NDST4: variants seen among roughly 807,000 people sequenced by gnomAD.
NDST4 encodes the protein N-heparan sulfate sulfotransferase 4.
A neutral mutation model predicts 100.8 loss-of-function variants in NDST4; 63 were observed. The observed-to-expected ratio is 0.62, with a 90% confidence interval of 0.51 to 0.77. The LOEUF (loss-of-function observed/expected upper bound fraction) is 0.77, where lower values mean the gene tolerates loss of function less well. NDST4 is among the 30% of genes least tolerant of loss of function. The pLI is 0.00. For missense variants in NDST4, 943 were observed against 1,018.4 expected, an observed-to-expected ratio of 0.93 and a Z score of 1.01; for synonymous variants, 377 against 361.8, an observed-to-expected ratio of 1.04 and a Z score of -0.48.
At chr4:114,940,389 A>G (rs1055114075) in intron 4 of NDST4, among the ~76,000 whole-genome samples, 1 of 152,250 alleles carries the variant, frequency 6.6e-6, no homozygotes, top group Admixed American at 6.5e-5. Context: ...CTCTAACAGC[A>G]ACTGAAATAA....
At chr4:115,105,491 G>A (rs1336793929) in intron 1 of NDST4, among the ~76,000 whole-genome samples, 1 of 151,978 alleles carries the variant, frequency 6.6e-6, no homozygotes, top group Non-Finnish European at 1.5e-5. Context: ...ATTTTACCCA[G>A]TGGTTATTTA....
intron 2 of NDST4, among the ~76,000 whole-genome samples, chr4:115,028,012 G>A (rs1334639131): frequency 2.0e-5 from 3 of 151,194 alleles, no homozygotes; most frequent in Non-Finnish European, 2.9e-5. Flanking sequence ...GAGATTCACC[G>A]ATTCACCATT....
At chr4:114,846,122 T>G (rs1723545347) in intron 9 of NDST4, 125 bp from the exon 10 acceptor site, 2 of 783,620 alleles carry the variant, frequency 2.6e-6, no homozygotes, top group South Asian at 2.0e-5. Flanking sequence ...GCTGTTATAG[T>G]TTAAATAATA....
intron 6 of NDST4, among the ~76,000 whole-genome samples, chr4:114,893,364 G>A (rs1578370577): frequency 6.6e-6 from 1 of 152,248 alleles, no homozygotes; most frequent in East Asian, 1.9e-4. Flanking sequence ...CCCACCAACA[G>A]TGTAAAAGCA....
intron 2 of NDST4, among the ~76,000 whole-genome samples, chr4:115,043,990 A>G (rs1023526385): frequency 6.6e-6 from 1 of 152,164 alleles, no homozygotes; most frequent in African/African-American, 2.4e-5. Context: ...ATGCTTTATT[A>G]CAATGTTGTG....
At chr4:114,954,229 T>G (rs1726085428) in intron 4 of NDST4, among the ~76,000 whole-genome samples, 1 of 152,208 alleles carries the variant, frequency 6.6e-6, no homozygotes, top group Admixed American at 6.5e-5. Context: ...TTAAAAATAC[T>G]GTTTCAAAAA....
chr4:114,830,016 A>C, intron 12 of NDST4, 124 bp from the exon 13 acceptor site: 1 of 693,572 alleles, frequency 1.4e-6, no homozygotes, highest in Non-Finnish European at 2.4e-6. Flanking sequence ...TCATTTTTAC[A>C]GATATTTATT....
chr4:114,892,581 T>G (rs1724622712), intron 6 of NDST4, among the ~76,000 whole-genome samples: 1 of 152,084 alleles, frequency 6.6e-6, no homozygotes, highest in Non-Finnish European at 1.5e-5. Flanking sequence ...CTATTTCACA[T>G]ACATTGTGCC....
intron 6 of NDST4, among the ~76,000 whole-genome samples, chr4:114,932,128 TC>T (rs1371179397): frequency 1.3e-5 from 2 of 151,830 alleles, no homozygotes; most frequent in South Asian, 2.1e-4. Context: ...CAATACCAAA[TC>T]AAAACATTAA....
At chr4:115,025,089 G>C (rs1727953329) in intron 2 of NDST4, among the ~76,000 whole-genome samples, 1 of 75,118 alleles carries the variant, frequency 1.3e-5, no homozygotes, top group Non-Finnish European at 2.9e-5. Context: ...ATAAATTTCT[G>C]TTCATTATAA....
At chr4:114,976,384 T>A (rs1046927847) in intron 3 of NDST4, among the ~76,000 whole-genome samples, 1 of 151,950 alleles carries the variant, frequency 6.6e-6, no homozygotes, top group Non-Finnish European at 1.5e-5. Context: ...CAACACATAG[T>A]TTAGTACTCT....
chr4:114,872,156 T>G (rs2126197356), intron 6 of NDST4, among the ~76,000 whole-genome samples: 1 of 152,128 alleles, frequency 6.6e-6, no homozygotes, highest in Non-Finnish European at 1.5e-5. Context: ...CAATAAAGAC[T>G]ATATGCAGAC....
intron 6 of NDST4, among the ~76,000 whole-genome samples, chr4:114,912,833 T>C (rs1725091113): frequency 1.3e-5 from 2 of 152,106 alleles, no homozygotes. Flanking sequence ...AAATCACTTG[T>C]TTTTACTTTT....
At chr4:114,901,602 C>G (rs948649267) in intron 6 of NDST4, among the ~76,000 whole-genome samples, 2 of 151,828 alleles carry the variant, frequency 1.3e-5, no homozygotes, top group African/African-American at 4.8e-5. Flanking sequence ...CTATCTTCTA[C>G]TTGATGTACT....
intron 6 of NDST4, among the ~76,000 whole-genome samples, chr4:114,871,452 T>C (rs1004273740): frequency 2.0e-5 from 3 of 152,116 alleles, no homozygotes; most frequent in Non-Finnish European, 4.4e-5. Context: ...CCAGAAACTT[T>C]TCCCCACTCA....
chr4:115,055,513 A>G (rs1333304530), intron 2 of NDST4, among the ~76,000 whole-genome samples: 2 of 152,134 alleles, frequency 1.3e-5, no homozygotes, highest in Admixed American at 1.3e-4. Context: ...ATATGTATAA[A>G]TCATTTTGTT....
chr4:115,052,734 T>C (rs1728611096), intron 2 of NDST4, among the ~76,000 whole-genome samples: 2 of 152,124 alleles, frequency 1.3e-5, no homozygotes, highest in South Asian at 4.1e-4. Context: ...ATGTCTTTAT[T>C]AGCATCATGA....
chr4:115,091,414 C>T (rs1729516645), intron 1 of NDST4, among the ~76,000 whole-genome samples: 1 of 151,928 alleles, frequency 6.6e-6, no homozygotes, highest in South Asian at 2.1e-4. Flanking sequence ...AACTTATATA[C>T]AAAAGACAAA....
chr4:114,988,452 C>G (rs982266912), intron 2 of NDST4, among the ~76,000 whole-genome samples: 14 of 149,134 alleles, frequency 9.4e-5, no homozygotes, highest in African/African-American at 3.2e-4. Flanking sequence ...AGCTCCACCT[C>G]CCGGGTTCAT....
Sources: gnomAD v4.1 joint callset for allele counts (sites outside exome capture counted in the v4.1 genomes callset) on GRCh38, gnomAD v4.1.1 for gene constraint, MANE v1.5 for transcripts, NCBI Gene and HGNC (gene_info 2026-07-23, HGNC 2026-07-21) for gene names.